Variants in FHIP1A observed in about 807,000 individuals in gnomAD.
The protein encoded by FHIP1A is FHF complex subunit HOOK interacting protein 1A.
Under a neutral mutation model 88.6 loss-of-function variants are expected in FHIP1A, and 61 were observed. That is an observed-to-expected ratio of 0.69 (90% CI 0.56 to 0.85). FHIP1A has a LOEUF of 0.85. Among genes scored for constraint, FHIP1A ranks in the 40% least tolerant of loss-of-function variants. The pLI, the probability that FHIP1A is intolerant of heterozygous loss-of-function variation, is 0.00. For synonymous variants in FHIP1A, 478 were observed against 496.0 expected (o/e 0.96, Z 0.48); for missense variants, 1,154 against 1,273.5 (o/e 0.91, Z 1.43).
chr4:151,510,976 A>G (rs1219691024), intron 3 of FHIP1A, among the ~76,000 whole-genome samples: 1 of 152,142 alleles, frequency 6.6e-6, no homozygotes, highest in Non-Finnish European at 1.5e-5. Context: ...TTGCCTTTAA[A>G]GACTTTATGA....
At chr4:151,657,145 G>A (rs1468744950) in intron 13 of FHIP1A, among the ~76,000 whole-genome samples, 1 of 152,202 alleles carries the variant, frequency 6.6e-6, no homozygotes, top group Non-Finnish European at 1.5e-5. Context: ...TTTTAACTGA[G>A]AGTGGTGCCT....
chr4:151,473,862 G>A (rs1729610272), intron 2 of FHIP1A, among the ~76,000 whole-genome samples: 1 of 152,182 alleles, frequency 6.6e-6, no homozygotes. Flanking sequence ...CCTTGACCAA[G>A]GTGAGAATTT....
intron 3 of FHIP1A, among the ~76,000 whole-genome samples, chr4:151,516,722 C>G (rs550392924): frequency 6.6e-6 from 1 of 152,230 alleles, no homozygotes; most frequent in South Asian, 2.1e-4. Flanking sequence ...TACTGGCTAT[C>G]AGAGAAATGC....
intron 3 of FHIP1A, among the ~76,000 whole-genome samples, chr4:151,485,282 GTTTTTT>G (rs74327398): frequency 1.9e-4 from 22 of 118,738 alleles, no homozygotes; most frequent in South Asian, 5.3e-4. Flanking sequence ...ATCTTTTCCA[GTTTTTT>G]TTTTTTTTTT....
At chr4:151,615,162 C>T (rs779961331) in intron 7 of FHIP1A, among the ~76,000 whole-genome samples, 5 of 151,248 alleles carry the variant, frequency 3.3e-5, no homozygotes, top group Admixed American at 6.6e-5. Context: ...TCTTTGACGA[C>T]GTGTTCCAAA....
Position 151,649,979 on chromosome 4 carries a change from G to A in FHIP1A, c.1938G>A (p.Arg646=). 1 of 1,551,604 alleles carries A rather than the reference G, an allele frequency of 6.4e-7. No individual in the cohort carries two copies. Residue 646 remains arginine (R), a synonymous_variant, in exon 11 of 14, where the codon AGG becomes AGA. Coordinates refer to ENST00000435205, the MANE Select transcript of FHIP1A (RefSeq NM_001109977.3). The part of the protein sequence containing the change: ...SDFQDDVMVY[R]LCAEKDSEDM... The stretch of plus-strand genomic sequence containing the variant: ...TTCAGGATGATGTGATGGTGTACAG[G>A]CTGTGTGCTGAGAAGGACTCCGAGG...
chr4:151,625,969 G>A (rs545147287), intron 7 of FHIP1A, among the ~76,000 whole-genome samples: 4 of 152,314 alleles, frequency 2.6e-5, no homozygotes, highest in South Asian at 2.1e-4. Context: ...AAAGCATGGC[G>A]TAGATGATTG....
chr4:151,541,437 A>T (rs1360601366), intron 3 of FHIP1A, among the ~76,000 whole-genome samples: 1 of 152,110 alleles, frequency 6.6e-6, no homozygotes, highest in Non-Finnish European at 1.5e-5. Context: ...CTTTTCCATC[A>T]CGAGAGCTCA....
intron 1 of FHIP1A, among the ~76,000 whole-genome samples, chr4:151,441,133 C>T (rs1728397428): frequency 6.6e-6 from 1 of 152,110 alleles, no homozygotes; most frequent in African/African-American, 2.4e-5. Context: ...GCTTTCCTCA[C>T]TTATGATAAC....
chr4:151,483,628 G>T (rs1292660520), intron 3 of FHIP1A, among the ~76,000 whole-genome samples: 1 of 152,110 alleles, frequency 6.6e-6, no homozygotes, highest in East Asian at 1.9e-4. Flanking sequence ...CTTAGGGAAA[G>T]ATTTGTTAAA....
intron 3 of FHIP1A, among the ~76,000 whole-genome samples, chr4:151,561,693 G>C (rs1383752061): frequency 6.6e-6 from 1 of 151,854 alleles, no homozygotes; most frequent in African/African-American, 2.4e-5. Context: ...GCCAATTCAG[G>C]GCATTCCAAA....
chr4:151,428,879 G>A (rs1733487158), intron 1 of FHIP1A, among the ~76,000 whole-genome samples: 1 of 152,078 alleles, frequency 6.6e-6, no homozygotes, highest in Non-Finnish European at 1.5e-5. Context: ...AGCCACCTTG[G>A]CTTAGTTAAC....
intron 1 of FHIP1A, among the ~76,000 whole-genome samples, chr4:151,423,799 C>T (rs1375104598): frequency 6.6e-6 from 1 of 152,106 alleles, no homozygotes; most frequent in Non-Finnish European, 1.5e-5. Context: ...GAGTACCTGA[C>T]ACACAGAAAA....
At chr4:151,551,165 C>G (rs538234850) in intron 3 of FHIP1A, among the ~76,000 whole-genome samples, 5 of 152,090 alleles carry the variant, frequency 3.3e-5, no homozygotes, top group African/African-American at 1.2e-4. Context: ...GCTATTAAAG[C>G]TTGAAATTTA....
chr4:151,436,369 G>C (rs1454567789), intron 1 of FHIP1A: 4 of 152,070 alleles, frequency 2.6e-5, no homozygotes, highest in African/African-American at 9.7e-5. Flanking sequence ...TGAGCAACTG[G>C]TTTATTTTTA....
At chr4:151,606,183 G>A (rs2126837655) in intron 7 of FHIP1A, among the ~76,000 whole-genome samples, 2 of 152,290 alleles carry the variant, frequency 1.3e-5, no homozygotes, top group East Asian at 3.9e-4. Context: ...GGAGATAGTA[G>A]CGGGGGTTCT....
At chr4:151,499,363 A>G (rs1253524281) in intron 3 of FHIP1A, among the ~76,000 whole-genome samples, 1 of 152,096 alleles carries the variant, frequency 6.6e-6, no homozygotes, top group Non-Finnish European at 1.5e-5. Flanking sequence ...TGGCCTACCT[A>G]TTGGTCTTAA....
intron 1 of FHIP1A, among the ~76,000 whole-genome samples, chr4:151,426,048 G>A (rs112936003): frequency 0.011 from 1,699 of 152,126 alleles, 33 homozygotes; most frequent in African/African-American, 0.037. Context: ...TCTTTGGGAC[G>A]TAATTTTTCT....
intron 3 of FHIP1A, among the ~76,000 whole-genome samples, chr4:151,516,701 A>C (rs1350889064): frequency 1.3e-5 from 2 of 152,250 alleles, no homozygotes; most frequent in African/African-American, 2.4e-5. Flanking sequence ...ACATGAAAAA[A>C]TGCTCACCAT....
Sources: gnomAD v4.1 joint callset for allele counts (sites outside exome capture counted in the v4.1 genomes callset) on GRCh38, gnomAD v4.1.1 for gene constraint, MANE v1.5 for transcripts, NCBI Gene and HGNC (gene_info 2026-07-23, HGNC 2026-07-21) for gene names.